The following CTNND2 variants were observed in gnomAD, a reference collection of about 807,000 sequenced individuals.
The protein encoded by CTNND2 is catenin delta-2.
Under a neutral mutation model 144.4 loss-of-function variants are expected in CTNND2, and 22 were observed. The observed-to-expected ratio is 0.15, with a 90% CI of 0.11 to 0.22. The LOEUF is 0.22. CTNND2 is among the 10% of genes least tolerant of loss of function. CTNND2 has a pLI of 1.00. For synonymous variants in CTNND2, 751 were observed against 695.6 expected, an observed-to-expected ratio of 1.08 and a Z score of -1.25; for missense variants, 1,353 against 1,618.8, an observed-to-expected ratio of 0.84 and a Z score of 2.82.
intron 2 of CTNND2, among the ~76,000 whole-genome samples, chr5:11,721,031 C>G (rs559480127): frequency 5.9e-5 from 9 of 152,252 alleles, no homozygotes; most frequent in Non-Finnish European, 1.2e-4. Flanking sequence ...CACAGCAACA[C>G]TATTCCCAAT....
chr5:11,600,705 C>CAA (rs755277116), intron 2 of CTNND2, among the ~76,000 whole-genome samples: 2,553 of 79,874 alleles, frequency 0.032, 112 homozygotes, highest in African/African-American at 0.096. Flanking sequence ...GATTCTGTCT[C>CAA]AAAAAAAAAA....
At chr5:11,836,337 T>C (rs1346996120) in intron 1 of CTNND2, among the ~76,000 whole-genome samples, 2 of 152,182 alleles carry the variant, frequency 1.3e-5, no homozygotes, top group African/African-American at 4.8e-5. Context: ...TATGCTTATC[T>C]GAGAAAACTT....
At chr5:11,320,673 C>G (rs1182730734) in intron 9 of CTNND2, among the ~76,000 whole-genome samples, 1 of 152,082 alleles carries the variant, frequency 6.6e-6, no homozygotes, top group Non-Finnish European at 1.5e-5. Context: ...GTAGAAACTC[C>G]CATTTTAAAA....
At chr5:11,618,185 A>T (rs1780668618) in intron 2 of CTNND2, among the ~76,000 whole-genome samples, 2 of 152,138 alleles carry the variant, frequency 1.3e-5, no homozygotes, top group South Asian at 4.1e-4. Flanking sequence ...GAAACTCTCC[A>T]TCAATTACTG....
intron 11 of CTNND2, among the ~76,000 whole-genome samples, chr5:11,175,629 T>C (rs80039076): frequency 1.7e-4 from 9 of 53,222 alleles, no homozygotes; most frequent in African/African-American, 3.6e-4. Context: ...TTCTTTCTTT[T>C]TTTATTTATT....
chr5:11,492,011 T>C (rs892037851), intron 3 of CTNND2, among the ~76,000 whole-genome samples: 1 of 152,300 alleles, frequency 6.6e-6, no homozygotes, highest in Non-Finnish European at 1.5e-5. Context: ...CATCATAACC[T>C]TTGCAATGTG....
intron 2 of CTNND2, among the ~76,000 whole-genome samples, chr5:11,618,758 AC>A (rs2126416292): frequency 6.6e-6 from 1 of 152,296 alleles, no homozygotes; most frequent in East Asian, 1.9e-4. Flanking sequence ...TATGATTATT[AC>A]CCAATCAATC....
chr5:11,895,793 A>C (rs1737348961), intron 1 of CTNND2, among the ~76,000 whole-genome samples: 1 of 152,236 alleles, frequency 6.6e-6, no homozygotes, highest in African/African-American at 2.4e-5. Flanking sequence ...AATGTGTATA[A>C]GATATAAAAA....
chr5:11,227,574 AG>A (rs1740497918), intron 10 of CTNND2, among the ~76,000 whole-genome samples: 1 of 152,218 alleles, frequency 6.6e-6, no homozygotes, highest in Admixed American at 6.5e-5. Flanking sequence ...GAACTATATG[AG>A]GTAGAAAGAA....
intron 16 of CTNND2, among the ~76,000 whole-genome samples, chr5:11,024,159 G>A (rs773275584): frequency 9.9e-5 from 15 of 152,222 alleles, no homozygotes; most frequent in Non-Finnish European, 1.8e-4. Flanking sequence ...GGGAGTAGGC[G>A]ATGATATCTT....
At chr5:11,418,347 G>A (rs868637713) in intron 3 of CTNND2, among the ~76,000 whole-genome samples, 69 of 152,110 alleles carry the variant, frequency 4.5e-4, no homozygotes, top group African/African-American at 1.4e-3. Context: ...CAGAGGTTGC[G>A]GTGAGCCAAG....
chr5:11,111,084 T>G (rs1182790315), intron 13 of CTNND2, 41 bp from the exon 14 acceptor site: 2 of 1,584,680 alleles, frequency 1.3e-6, no homozygotes, highest in Non-Finnish European at 1.7e-6. Flanking sequence ...TGAGTAAAAC[T>G]AGCACTCAGC....
At chr5:11,772,130 T>C (rs1275059164) in intron 1 of CTNND2, among the ~76,000 whole-genome samples, 6 of 152,246 alleles carry the variant, frequency 3.9e-5, no homozygotes, top group Non-Finnish European at 7.3e-5. Context: ...ATTCCTTAAA[T>C]AGCAGAAATT....
intron 9 of CTNND2, among the ~76,000 whole-genome samples, chr5:11,271,317 G>A (rs540809211): frequency 6.6e-6 from 1 of 152,292 alleles, no homozygotes; most frequent in South Asian, 2.1e-4. Context: ...ATTAATGTAT[G>A]AGAACTAGAT....
At chr5:11,569,239 T>C (rs756764689) in intron 2 of CTNND2, among the ~76,000 whole-genome samples, 24 of 152,088 alleles carry the variant, frequency 1.6e-4, no homozygotes, top group Non-Finnish European at 2.9e-4. Flanking sequence ...AAAGAAGTTA[T>C]AAGAAAAAGC....
intron 2 of CTNND2, among the ~76,000 whole-genome samples, chr5:11,628,251 G>A (rs999187585): frequency 6.6e-6 from 1 of 152,052 alleles, no homozygotes; most frequent in Non-Finnish European, 1.5e-5. Flanking sequence ...AATATTTAAT[G>A]GTCCAGGATC....
chr5:11,020,831 C>CCCTAACCCTAACCCTAACCCT (rs1561183161), intron 17 of CTNND2, among the ~76,000 whole-genome samples: 8 of 152,212 alleles, frequency 5.3e-5, no homozygotes, highest in African/African-American at 1.7e-4. Context: ...TCCAATTTAA[C>CCCTAACCCTAACCCTAACCCT]ACTTCTTATT....
chr5:11,155,408 C>G (rs539123733), intron 12 of CTNND2, among the ~76,000 whole-genome samples: 2 of 152,210 alleles, frequency 1.3e-5, no homozygotes, highest in Non-Finnish European at 2.9e-5. Flanking sequence ...GCCTCTCCAA[C>G]ATTTTGCCAC....
At chr5:11,381,025 C>T (rs1758430369) in intron 7 of CTNND2, among the ~76,000 whole-genome samples, 1 of 152,114 alleles carries the variant, frequency 6.6e-6, no homozygotes, top group Non-Finnish European at 1.5e-5. Context: ...TTGATGGTGA[C>T]TCTATTCTTC....
Sources: allele counts gnomAD v4.1 joint callset (sites outside exome capture counted in the v4.1 genomes callset), GRCh38; gene constraint gnomAD v4.1.1; transcripts MANE v1.5; gene names NCBI Gene and HGNC (gene_info 2026-07-23, HGNC 2026-07-21).